The following ZC3H12B variants were observed in gnomAD, a reference collection of about 807,000 sequenced individuals.
ZC3H12B encodes probable ribonuclease ZC3H12B.
ZC3H12B carries 7 observed loss-of-function variants against 43.9 expected under a neutral mutation model. The observed-to-expected ratio is 0.16, with a 90% CI of 0.09 to 0.30. ZC3H12B has a LOEUF of 0.30. ZC3H12B is among the 10% of genes least tolerant of loss of function. ZC3H12B has a pLI of 1.00. For missense variants in ZC3H12B, 475 were observed against 670.2 expected, an observed-to-expected ratio of 0.71 and a Z score of 3.22; for synonymous variants, 222 against 241.7, an observed-to-expected ratio of 0.92 and a Z score of 0.76.
chrX:65,476,408 T>C (rs2067992054), intron 3 of ZC3H12B, among the ~76,000 whole-genome samples: 1 of 112,281 alleles, frequency 8.9e-6, no homozygotes, highest in Non-Finnish European at 1.9e-5. Flanking sequence ...GTTTTTAATT[T>C]CTTTCTCTCT....
chrX:65,399,196 C>T (rs751226492), intron 3 of ZC3H12B, among the ~76,000 whole-genome samples: 1 of 112,258 alleles, frequency 8.9e-6, no homozygotes, highest in South Asian at 3.7e-4. Context: ...AATGTGATCA[C>T]AAGTTTTGCA....
exon 5 of ZC3H12B, chrX:65,502,298 T>C (rs932311459): frequency 2.8e-5 from 34 of 1,211,496 alleles, no homozygotes; most frequent in Non-Finnish European, 3.8e-5. Context: ...TGCTGAGCAA[T>C]ACCCAAAGTT....
chrX:65,387,969 C>T lies in ZC3H12B; in HGVS notation n.296-10624C>T, dbSNP rs746592783. On this transcript the variant is annotated intron_variant and non_coding_transcript_variant, in intron 2 of 5. Coordinates refer to the ZC3H12B transcript ENST00000617377. ...TCTATAAGGATGTTGAATATTGGCC[C>T]CCACTCTCTTCTGGCTTGTAGAGTT... is the stretch of plus-strand genomic sequence containing the variant. 1.2e-4 allele frequency among the ~76,000 whole-genome samples: 13 copies of T among 111,924 alleles called. No homozygotes were observed. The East Asian group carries it at 3.6e-3, about 31-fold the overall frequency.
chrX:65,408,335 T>A, intron 3 of ZC3H12B: 1 of 1,201,842 alleles, frequency 8.3e-7, no homozygotes, highest in Non-Finnish European at 1.1e-6. Flanking sequence ...CGCCAAGAGA[T>A]TGAATACGAT....
chrX:65,497,170 A>G, exon 2 of ZC3H12B: 2 of 1,209,325 alleles, frequency 1.7e-6, no homozygotes, highest in Non-Finnish European at 2.2e-6. Context: ...AGAGGAATAC[A>G]ACTTGCTGTG....
the ZC3H12B span, among the ~76,000 whole-genome samples, chrX:65,173,026 A>G: frequency 1.8e-5 from 2 of 111,690 alleles, no homozygotes; most frequent in Non-Finnish European, 3.8e-5. Flanking sequence ...AGTATGGCCA[A>G]TTTCACATTA....
chrX:65,121,631 T>G, the ZC3H12B span, among the ~76,000 whole-genome samples: 1 of 111,549 alleles, frequency 9.0e-6, no homozygotes, highest in Non-Finnish European at 1.9e-5. Flanking sequence ...TTTGAAGGGT[T>G]TTTGTGTCTC....
At chrX:65,446,685 C>T (rs1049300935) in intron 3 of ZC3H12B, among the ~76,000 whole-genome samples, 3 of 111,975 alleles carry the variant, frequency 2.7e-5, no homozygotes, top group African/African-American at 9.7e-5. Flanking sequence ...CTCCCTCAAA[C>T]TCAAAGTTTC....
At chrX:65,081,539 A>T in the ZC3H12B span, among the ~76,000 whole-genome samples, 7 of 112,101 alleles carry the variant, frequency 6.2e-5, no homozygotes, top group Non-Finnish European at 1.3e-4. Context: ...AGAAACACAG[A>T]TCACTATAAA....
At chrX:65,226,388 G>C in the ZC3H12B span, among the ~76,000 whole-genome samples, 1 of 111,302 alleles carries the variant, frequency 9.0e-6, no homozygotes, top group Non-Finnish European at 1.9e-5. Context: ...ACATGGAAAG[G>C]AACAACCGGT....
At chrX:65,284,885 C>T in the ZC3H12B span, among the ~76,000 whole-genome samples, 4 of 110,760 alleles carry the variant, frequency 3.6e-5, no homozygotes, top group Middle Eastern at 4.7e-3. Flanking sequence ...TGGATGAAAC[C>T]ATGTAGAAGA....
chrX:65,342,347 A>C, the ZC3H12B span, among the ~76,000 whole-genome samples: 9 of 111,859 alleles, frequency 8.0e-5, no homozygotes, highest in African/African-American at 2.9e-4. Flanking sequence ...AAACAACAGA[A>C]TGTAGATACA....
the ZC3H12B span, among the ~76,000 whole-genome samples, chrX:65,240,891 T>A: frequency 1.8e-5 from 2 of 111,922 alleles, no homozygotes; most frequent in Non-Finnish European, 3.8e-5. Flanking sequence ...TCCCCTTACC[T>A]GGAGTTATCA....
the ZC3H12B span, among the ~76,000 whole-genome samples, chrX:65,074,721 T>A: frequency 8.9e-6 from 1 of 112,060 alleles, no homozygotes; most frequent in Non-Finnish European, 1.9e-5. Context: ...TTGTGGCTTC[T>A]TTCTTCTGGT....
the ZC3H12B span, among the ~76,000 whole-genome samples, chrX:65,287,996 A>ATATATATATATATATATG: frequency 0.051 from 5,449 of 106,302 alleles, 515 homozygotes; most frequent in African/African-American, 0.19. Context: ...ATACATATAT[A>ATATATATATATATATATG]TATATATATA....
chrX:65,310,484 G>A, the ZC3H12B span, among the ~76,000 whole-genome samples: 4 of 111,534 alleles, frequency 3.6e-5, no homozygotes, highest in Admixed American at 9.5e-5. Flanking sequence ...ACAAACAACT[G>A]CTCAACGGAA....
chrX:65,493,475 T>C (rs1258392631), intron 1 of ZC3H12B, among the ~76,000 whole-genome samples: 1 of 112,401 alleles, frequency 8.9e-6, no homozygotes, highest in Non-Finnish European at 1.9e-5. Context: ...GTCCACATAC[T>C]GATTGATATA....
At chrX:65,175,696 G>T in the ZC3H12B span, among the ~76,000 whole-genome samples, 1 of 111,547 alleles carries the variant, frequency 9.0e-6, no homozygotes, top group Non-Finnish European at 1.9e-5. Flanking sequence ...ATCTCATTGG[G>T]ACTGGTTGCA....
At chrX:65,039,014 T>G in the ZC3H12B span, among the ~76,000 whole-genome samples, 1 of 111,227 alleles carries the variant, frequency 9.0e-6, no homozygotes. Flanking sequence ...GAGCATAGCA[T>G]TTTTTACTAA....
Sources: allele counts gnomAD v4.1 joint callset (sites outside exome capture counted in the v4.1 genomes callset), GRCh38; gene constraint gnomAD v4.1.1; transcripts MANE v1.5; gene names NCBI Gene and HGNC (gene_info 2026-07-23, HGNC 2026-07-21).